LPCAT1: variants seen among roughly 807,000 people sequenced by gnomAD.
The protein encoded by LPCAT1 is 1-acylglycerol-3-phosphate O-acyltransferase.
A neutral mutation model predicts 60.9 loss-of-function variants in LPCAT1; 23 were observed. That is an observed-to-expected ratio of 0.38 (90% confidence interval 0.27 to 0.53). The LOEUF (loss-of-function observed/expected upper bound fraction) is 0.53. Among genes scored for constraint, LPCAT1 ranks in the 20% least tolerant of loss-of-function variants. The probability of loss-of-function intolerance (pLI) is 0.82; values close to 1 mark genes in which losing one functional copy is unlikely to be tolerated. For synonymous variants in LPCAT1, 340 were observed against 301.1 expected (o/e 1.13, Z -1.34); for missense variants, 622 against 723.6 (o/e 0.86, Z 1.61).
rs1735221423 is a variant in LPCAT1, at chr5:1,483,042, G to A, written c.726+386C>T. Among the ~76,000 whole-genome samples, 1 of 152,214 alleles carries A rather than the reference G, an allele frequency of 6.6e-6. No individual in the cohort carries two copies. Among genetic ancestry groups the A allele is most frequent in the African/African-American group, 2.4e-5 (1 of 41,436 alleles). The stretch of plus-strand genomic sequence containing the variant: ...CTTCCTGGAGCATGAACTGGGTACT[G>A]AAAGCTGCTGGGGGCCCTGGCCGGT... On this transcript the variant is annotated intron_variant, in intron 6 of 13. Transcript: ENST00000283415. The surrounding 1 kb of genome is among the most constrained non-coding windows in gnomAD (Gnocchi z 9.2).
At chr5:1,518,504 C>T in intron 1 of LPCAT1, among the ~76,000 whole-genome samples, 1 of 152,186 alleles carries the variant, frequency 6.6e-6, no homozygotes, top group South Asian at 2.1e-4. Context: ...TGACACCCGT[C>T]TAATTTTTTG....
At chr5:1,498,226 T>G (rs1251424284) in intron 2 of LPCAT1, among the ~76,000 whole-genome samples, 1 of 152,206 alleles carries the variant, frequency 6.6e-6, no homozygotes, top group Non-Finnish European at 1.5e-5. Flanking sequence ...TACTTCAAAT[T>G]CAGTTTCCTC....
In LPCAT1 at chr5:1,477,565, G is replaced by T; in HGVS notation, c.817-79C>A. 2 of 1,083,178 alleles carry T rather than the reference G, an allele frequency of 1.8e-6. No individual in the cohort carries two copies. Among genetic ancestry groups the T allele is most frequent in the South Asian group, 1.3e-5 (1 of 74,202 alleles). The allele number at this position is 1,083,178 out of a possible 1,614,324, so 67.1% of individuals were successfully genotyped here. A position where few individuals can be genotyped will look rare whatever the true frequency, so the allele number is the denominator to read the frequency against. On this transcript the variant is annotated intron_variant, in intron 8 of 13. Coordinates refer to ENST00000283415, the MANE Select transcript of LPCAT1 (RefSeq NM_024830.5). This position sits in a 1 kb window ranked among gnomAD's most constrained non-coding sequence, Gnocchi z 6.0. ...CCACTGTAACGACAACTGGGAGGCT[G>T]ACAAAATTAAGATCTGTCAAAGTAA...
chr5:1,466,573 T>A (rs896302217), intron 13 of LPCAT1, among the ~76,000 whole-genome samples, 176 bp downstream of exon 13: 9 of 152,212 alleles, frequency 5.9e-5, no homozygotes, highest in Non-Finnish European at 1.2e-4. Flanking sequence ...CTACGAACGC[T>A]GCCAGGTCTC....
chr5:1,465,927 C>T (rs1044243416), intron 13 of LPCAT1, among the ~76,000 whole-genome samples: 1 of 152,176 alleles, frequency 6.6e-6, no homozygotes, highest in African/African-American at 2.4e-5. Context: ...GGTAACTAAG[C>T]ACACATACAT....
chr5:1,496,838 C>CA lies in LPCAT1; in HGVS notation c.279-1925dup, dbSNP rs1254415903. Among the ~76,000 whole-genome samples the CA allele has an allele frequency of 6.6e-6, 1 of 152,210 alleles. No individual in the cohort carries two copies. Among genetic ancestry groups the CA allele is most frequent in the African/African-American group, 2.4e-5 (1 of 41,440 alleles). On this transcript the variant is annotated intron_variant, in intron 2 of 13. Transcript: ENST00000283415. This position sits in a 1 kb window ranked among gnomAD's most constrained non-coding sequence, Gnocchi z 4.7. ...GCTGTGGGGTTGGGGACCCAGCACC[C>CA]ACTCACCCCAAGGCAAAGGGAGCCA...
intron 1 of LPCAT1, among the ~76,000 whole-genome samples, chr5:1,505,176 G>A (rs1474427666): frequency 6.7e-6 from 1 of 150,354 alleles, no homozygotes; most frequent in African/African-American, 2.5e-5. Flanking sequence ...ACCAGAGTGC[G>A]GAATAAAATC....
intron 11 of LPCAT1, among the ~76,000 whole-genome samples, chr5:1,471,769 G>C (rs1450665445): frequency 5.9e-5 from 9 of 151,756 alleles, no homozygotes; most frequent in Non-Finnish European, 1.5e-5. Context: ...CACAGGATAG[G>C]GGGGAGGACT....
chr5:1,464,957 TAC>T lies in LPCAT1; in HGVS notation c.1421-1124_1421-1123del, dbSNP rs1438595698. Among the ~76,000 whole-genome samples, 11 of 139,728 alleles carry T rather than the reference TAC, an allele frequency of 7.9e-5. No homozygotes were observed. The South Asian group carries it at 2.3e-3, about 29-fold the overall frequency. The allele number at this position is 139,728 out of a possible 152,430, so 91.7% of individuals were successfully genotyped here. A position where few individuals can be genotyped will look rare whatever the true frequency, so the allele number is the denominator to read the frequency against. ...CAAGCACATGCACACACATGGTAAC[TAC>T]ACACATGCACGCACACATACAAAAC... On this transcript the variant is annotated intron_variant, in intron 13 of 13. Transcript: ENST00000283415.
chr5:1,473,653 G>T (rs1030691026), intron 11 of LPCAT1, among the ~76,000 whole-genome samples: 6 of 152,196 alleles, frequency 3.9e-5, no homozygotes, highest in African/African-American at 1.2e-4. Flanking sequence ...CCTGCAGGGG[G>T]TCCCTTGGAG....
chr5:1,468,255 G>T (rs1181533084), intron 12 of LPCAT1, among the ~76,000 whole-genome samples: 3 of 152,208 alleles, frequency 2.0e-5, no homozygotes, highest in Non-Finnish European at 4.4e-5. Flanking sequence ...GCTGCCGCAC[G>T]CGGCCACCCT....
rs577058233 is a variant in LPCAT1 at position 1,496,527 on chromosome 5, C to T, written c.279-1613G>A. Among the ~76,000 whole-genome samples the T allele has an allele frequency of 6.6e-6, 1 of 151,722 alleles. No homozygotes were observed. The highest frequency in any genetic ancestry group is 1.9e-4 in the East Asian group (1 of 5,176). The stretch of plus-strand genomic sequence containing the variant: ...AGAAGCGAGGCTGCAGAGGAGGCTG[C>T]GGCGGGCACAGGAGCCAGTCTCGGG... On this transcript the variant is annotated intron_variant, in intron 2 of 13. Coordinates refer to ENST00000283415, the MANE Select transcript of LPCAT1 (RefSeq NM_024830.5). This position sits in a 1 kb window ranked among gnomAD's most constrained non-coding sequence, Gnocchi z 4.7.
chr5:1,472,518 G>T (rs1470628297), intron 11 of LPCAT1, among the ~76,000 whole-genome samples: 1 of 152,092 alleles, frequency 6.6e-6, no homozygotes, highest in East Asian at 1.9e-4. Context: ...GGTCCTGGGT[G>T]TAAATGGAGA....
At chr5:1,469,008 T>C (rs975824266) in intron 12 of LPCAT1, among the ~76,000 whole-genome samples, 3 of 152,180 alleles carry the variant, frequency 2.0e-5, no homozygotes, top group African/African-American at 4.8e-5. Context: ...ATGAAAGGTA[T>C]AGGCTGCAGA....
chr5:1,495,384 TC>T lies in LPCAT1; in HGVS notation c.279-471del, dbSNP rs1218145553. Among the ~76,000 whole-genome samples the T allele has an allele frequency of 6.6e-6, 1 of 151,804 alleles. No homozygotes were observed. Among genetic ancestry groups the T allele is most frequent in the African/African-American group, 2.4e-5 (1 of 41,280 alleles). On this transcript the variant is annotated intron_variant, in intron 2 of 13. Coordinates refer to ENST00000283415, the MANE Select transcript of LPCAT1 (RefSeq NM_024830.5). The surrounding 1 kb of genome is among the most constrained non-coding windows in gnomAD (Gnocchi z 4.7). The stretch of plus-strand genomic sequence containing the variant: ...GGAAGCTGAGACCTGCGTGCGAACT[TC>T]CCCATCTCATCTCCACAGGAAGCCC...
In LPCAT1 at chr5:1,477,543, C is replaced by G. The variant is rs1417340394; in HGVS notation, c.817-57G>C. 2 of 1,289,454 alleles carry G rather than the reference C, an allele frequency of 1.6e-6. No individual in the cohort carries two copies. Among genetic ancestry groups the G allele is most frequent in the Non-Finnish European group, 2.2e-6 (2 of 899,836 alleles). The allele number at this position is 1,289,454 out of a possible 1,614,324, so 79.9% of individuals were successfully genotyped here. ...CAAGACGCTGACCTCAGCAACACCA[C>G]TGTAACGACAACTGGGAGGCTGACA... On this transcript the variant is annotated intron_variant, in intron 8 of 13. Coordinates refer to ENST00000283415, the MANE Select transcript of LPCAT1 (RefSeq NM_024830.5). This position sits in a 1 kb window ranked among gnomAD's most constrained non-coding sequence, Gnocchi z 6.0.
In LPCAT1 at chr5:1,501,705, T is replaced by A; in HGVS notation, c.136-102A>T. 3.3e-6 allele frequency: 4 copies of A among 1,215,152 alleles called. No homozygotes were observed. In the Admixed American group the frequency reaches 7.5e-5, roughly 23 times the overall value. The allele number at this position is 1,215,152 out of a possible 1,614,324, so 75.3% of individuals were successfully genotyped here. On this transcript the variant is annotated intron_variant, in intron 1 of 13. Transcript: ENST00000283415. ...CAGGGGGACAGCGCGCCCCACAGAG[T>A]GGAGAGCTGGGGAGGGGCTGCAGCT...
At chr5:1,493,432 G>A (rs948099052) in intron 3 of LPCAT1, among the ~76,000 whole-genome samples, 2 of 152,274 alleles carry the variant, frequency 1.3e-5, no homozygotes, top group African/African-American at 4.8e-5. Flanking sequence ...TGTCCCCCCA[G>A]ATATTTTCTA....
chr5:1,463,586 C>CG lies in LPCAT1; in HGVS notation c.*64dup. On this transcript the variant is annotated 3_prime_UTR_variant, in exon 14 of 14. Coordinates refer to ENST00000283415, the MANE Select transcript of LPCAT1 (RefSeq NM_024830.5). ...TGAGGAGCGGAGCCCAGAGGTCACT[C>CG]GCAAAGAGGCTCATGGCGGTGATGT... 2 of 1,567,042 alleles carry CG rather than the reference C, an allele frequency of 1.3e-6. No individual in the cohort carries two copies. The highest frequency in any genetic ancestry group is 1.7e-6 in the Non-Finnish European group (2 of 1,149,714).
Sources: allele counts gnomAD v4.1 joint callset (sites outside exome capture counted in the v4.1 genomes callset), GRCh38; gene constraint gnomAD v4.1.1; non-coding constraint Gnocchi (gnomAD v3.1); transcripts MANE v1.5; gene names NCBI Gene and HGNC (gene_info 2026-07-23, HGNC 2026-07-21).